The following DOCK5 variants were observed in gnomAD, a reference collection of about 807,000 sequenced individuals.
DOCK5 encodes dedicator of cytokinesis protein 5.
DOCK5 carries 142 observed loss-of-function variants against 251.8 expected under a neutral mutation model. The ratio of observed to expected loss-of-function variants is 0.56; its 90% CI spans 0.49 to 0.65. The LOEUF is 0.65. Ranked by LOEUF, DOCK5 falls within the 30% of genes least tolerant of loss-of-function variation. The pLI, the probability that DOCK5 is intolerant of heterozygous loss-of-function variation, is 0.00. For synonymous variants in DOCK5, 842 were observed against 835.5 expected (o/e 1.01, Z -0.13); for missense variants, 2,111 against 2,312.3 (o/e 0.91, Z 1.79).
intron 13 of DOCK5, among the ~76,000 whole-genome samples, chr8:25,314,709 C>CCAT (rs59477032): frequency 0.79 from 104,869 of 132,550 alleles, 41,426 homozygotes; most frequent in Middle Eastern, 0.84. Flanking sequence ...CATCCATCCA[C>CCAT]GTACCCAACC....
intron 14 of DOCK5, 35 bp downstream of exon 14, chr8:25,317,166 G>T: frequency 6.2e-7 from 1 of 1,604,630 alleles, no homozygotes; most frequent in South Asian, 1.1e-5. Context: ...TGCTACCATC[G>T]CATCCGTCTT....
chr8:25,246,587 T>TCTTA (rs541606308), intron 2 of DOCK5, among the ~76,000 whole-genome samples: 241 of 152,250 alleles, frequency 1.6e-3, no homozygotes, highest in Non-Finnish European at 2.6e-3. Flanking sequence ...AGGAATTCTT[T>TCTTA]CTTAAATCAG....
rs560929132 is a variant in DOCK5, at chr8:25,387,359, T to G, written c.4132-1732T>G. ...ACGCCCAGTTAATGTTTTTATTTTT[T>G]CTTAGATATGGGGTCTCACTATCTT... On this transcript the variant is annotated intron_variant, in intron 40 of 51. Transcript: ENST00000276440. Among the ~76,000 whole-genome samples, 65 of 152,230 alleles carry G rather than the reference T, an allele frequency of 4.3e-4. 2 individuals carry two copies. Among genetic ancestry groups the G allele is most frequent in the Non-Finnish European group, 2.2e-4 (15 of 68,020 alleles).
chr8:25,309,373 G>C (rs1227227789), intron 12 of DOCK5, among the ~76,000 whole-genome samples: 1 of 151,820 alleles, frequency 6.6e-6, no homozygotes, highest in Non-Finnish European at 1.5e-5. Flanking sequence ...TTGTAGAGAT[G>C]GAGTCTCACT....
At chr8:25,235,314 C>T (rs372267792) in intron 1 of DOCK5, among the ~76,000 whole-genome samples, 2 of 152,150 alleles carry the variant, frequency 1.3e-5, no homozygotes, top group South Asian at 2.1e-4. Context: ...ACTGTAGCCT[C>T]GACTGCTACA....
chr8:25,366,060 A>G (rs1057373116), intron 30 of DOCK5, among the ~76,000 whole-genome samples: 16 of 152,186 alleles, frequency 1.1e-4, no homozygotes, highest in South Asian at 6.2e-4. Context: ...CCTGTTTTTA[A>G]TGGCTGAATA....
chr8:25,227,322 A>G (rs772368979), intron 1 of DOCK5, among the ~76,000 whole-genome samples: 13 of 150,868 alleles, frequency 8.6e-5, no homozygotes, highest in Non-Finnish European at 1.6e-4. Flanking sequence ...TTATAAATTT[A>G]TTACTTGCAT....
intron 11 of DOCK5, 54 bp downstream of exon 11, chr8:25,304,381 A>G (rs1001963146): frequency 1.2e-5 from 18 of 1,474,522 alleles, no homozygotes; most frequent in African/African-American, 4.2e-5. Context: ...TAGCCATTCA[A>G]TTGTCTTTTA....
chr8:25,290,781 G>A (rs2117149344), intron 5 of DOCK5, among the ~76,000 whole-genome samples: 1 of 152,316 alleles, frequency 6.6e-6, no homozygotes, highest in Non-Finnish European at 1.5e-5. Context: ...GGAGGCAGAT[G>A]AGCCAGTGTA....
chr8:25,216,992 G>A (rs200761631), intron 1 of DOCK5, among the ~76,000 whole-genome samples: 1 of 120,868 alleles, frequency 8.3e-6, no homozygotes, highest in Non-Finnish European at 1.7e-5. Flanking sequence ...AATATGTATA[G>A]ATGTATACAA....
At chr8:25,261,987 T>C (rs1005617498) in intron 2 of DOCK5, among the ~76,000 whole-genome samples, 29 of 152,374 alleles carry the variant, frequency 1.9e-4, no homozygotes, top group African/African-American at 6.3e-4. Context: ...ATCATAGTTA[T>C]AGTATAGTAA....
At chr8:25,224,800 G>T (rs574283798) in intron 1 of DOCK5, among the ~76,000 whole-genome samples, 49 of 152,320 alleles carry the variant, frequency 3.2e-4, no homozygotes, top group African/African-American at 1.2e-3. Context: ...AAAAGTTACT[G>T]TGTTCATTGG....
chr8:25,195,652 T>C (rs1385515861), intron 1 of DOCK5, among the ~76,000 whole-genome samples: 6 of 152,234 alleles, frequency 3.9e-5, no homozygotes, highest in African/African-American at 1.4e-4. Context: ...GATCTTTAGA[T>C]GTCCGGTTCT....
At chr8:25,348,865 A>G (rs1586350816) in intron 26 of DOCK5, among the ~76,000 whole-genome samples, 1 of 150,964 alleles carries the variant, frequency 6.6e-6, no homozygotes, top group Non-Finnish European at 1.5e-5. Flanking sequence ...TTTATGTACC[A>G]CTCACCCGCA....
At chr8:25,350,100 G>A (rs1217783439) in intron 26 of DOCK5, among the ~76,000 whole-genome samples, 1 of 152,166 alleles carries the variant, frequency 6.6e-6, no homozygotes, top group Non-Finnish European at 1.5e-5. Flanking sequence ...GGAATCTAAT[G>A]TATGGCATGG....
At position 25,332,354 on chromosome 8, in the gene DOCK5, T is replaced by C. The variant is rs748360930; in HGVS notation, c.2001+6T>C. On this transcript the variant is annotated splice_donor_region_variant and intron_variant, in intron 19 of 51. Transcript: ENST00000276440. ...ATGGAGGAGAGATTGTTAAGGTATGTTTATATATTCATAGTTAGAAATACA... is the reference window on the plus strand; with the variant it reads ...ATGGAGGAGAGATTGTTAAGGTATGCTTATATATTCATAGTTAGAAATACA... 1.9e-6 allele frequency: 3 copies of C among 1,605,390 alleles called. No homozygotes were observed. The highest frequency in any genetic ancestry group is 2.2e-5 in the South Asian group (2 of 90,848).
At chr8:25,199,067 G>A (rs1400626045) in intron 1 of DOCK5, among the ~76,000 whole-genome samples, 3 of 152,164 alleles carry the variant, frequency 2.0e-5, no homozygotes, top group Non-Finnish European at 2.9e-5. Flanking sequence ...GACTTCTCAC[G>A]TGGTTTCAGT....
chr8:25,374,120 ACTAGT>A (rs1800922088), intron 36 of DOCK5, among the ~76,000 whole-genome samples: 1 of 152,142 alleles, frequency 6.6e-6, no homozygotes, highest in African/African-American at 2.4e-5. Flanking sequence ...AAGAAGAGAA[ACTAGT>A]CTAGGTGGAG....
Position 25,249,258 on chromosome 8 carries a change from C to G in DOCK5, c.127+5501C>G, listed in dbSNP as rs772933523. Among the ~76,000 whole-genome samples the G allele has an allele frequency of 2.6e-5, 4 of 152,178 alleles. No homozygotes were observed. The South Asian group carries it at 8.3e-4, about 31-fold the overall frequency. The stretch of plus-strand genomic sequence containing the variant: ...CTTAGCGATCCTTCCACCTCGGCCT[C>G]CCAGAGTATAGGGATTACAGGTGTG... On this transcript the variant is annotated intron_variant, in intron 2 of 51. Transcript: ENST00000276440.
Sources: allele counts gnomAD v4.1 joint callset (sites outside exome capture counted in the v4.1 genomes callset), GRCh38; gene constraint gnomAD v4.1.1; transcripts MANE v1.5; gene names NCBI Gene and HGNC (gene_info 2026-07-23, HGNC 2026-07-21).